CMC1: variants seen among roughly 807,000 people sequenced by gnomAD.
CMC1 encodes the protein COX assembly mitochondrial protein homolog.
A neutral mutation model predicts 14.1 loss-of-function variants in CMC1; 14 were observed. That is an observed-to-expected ratio of 0.99 (90% CI 0.66 to 1.55). The LOEUF (loss-of-function observed/expected upper bound fraction) is 1.55, where lower values mean the gene tolerates loss of function less well. Ranked by LOEUF, CMC1 falls within the 40% of genes most tolerant of loss-of-function variation. CMC1 has a pLI of 0.00. For synonymous variants in CMC1, 50 were observed against 38.4 expected (o/e 1.30, Z -1.12); for missense variants, 127 against 123.8 (o/e 1.03, Z -0.12).
At chr3:28,261,827 G>T (rs1449099363) in intron 1 of CMC1, among the ~76,000 whole-genome samples, 1 of 152,118 alleles carries the variant, frequency 6.6e-6, no homozygotes, top group African/African-American at 2.4e-5. Flanking sequence ...TGTATGAAAA[G>T]TTGGCCTGAA....
In CMC1 at chr3:28,241,665, G is replaced by C; in HGVS notation, c.-129G>C. ...CGGGTCCTGGCGGTGCTTTGCAAAG[G>C]GCCCGTGTTTCTGTTGCGGGAAGCT... On this transcript the variant is annotated 5_prime_UTR_variant, in exon 1 of 4. Transcript: ENST00000466830. The C allele has an allele frequency of 4.9e-6, 6 of 1,234,444 alleles. No individual in the cohort carries two copies. The highest frequency in any genetic ancestry group is 6.1e-6 in the Non-Finnish European group (6 of 987,864). The allele number at this position is 1,234,444 out of a possible 1,614,324, so 76.5% of individuals were successfully genotyped here. A position where few individuals can be genotyped will look rare whatever the true frequency, so the allele number is the denominator to read the frequency against.
intron 2 of CMC1, chr3:28,291,807 C>A (rs886175732): frequency 4.6e-5 from 7 of 152,088 alleles, no homozygotes; most frequent in African/African-American, 1.7e-4. Context: ...GAGCACATGG[C>A]CAATGCAGTG....
Position 28,319,723 on chromosome 3 carries a change from C to A in CMC1, c.*94C>A. 2 of 1,005,336 alleles carry A rather than the reference C, an allele frequency of 2.0e-6. No homozygotes were observed. The highest frequency in any genetic ancestry group is 4.6e-5 in the South Asian group (2 of 43,520). 62.3% of individuals were successfully genotyped at this position (1,005,336 alleles called of 1,614,324 possible). ...GACTCAAGCATATATGTTTGCTTTA[C>A]CTTAATTATGGAAATATTAACTTTA... On this transcript the variant is annotated 3_prime_UTR_variant, in exon 4 of 4. Coordinates refer to ENST00000466830, the MANE Select transcript of CMC1 (RefSeq NM_182523.2).
intron 2 of CMC1, among the ~76,000 whole-genome samples, chr3:28,308,897 C>T (rs1297142949): frequency 1.3e-5 from 2 of 151,898 alleles, no homozygotes; most frequent in Admixed American, 6.5e-5. Context: ...GCAGGAGAAT[C>T]GCTTGAACCT....
At chr3:28,310,475 A>G (rs1340842943) in intron 2 of CMC1, among the ~76,000 whole-genome samples, 3 of 152,250 alleles carry the variant, frequency 2.0e-5, no homozygotes, top group Non-Finnish European at 4.4e-5. Context: ...TCATTAATTA[A>G]CTCATTGGAC....
At chr3:28,280,528 C>T (rs565980982) in intron 2 of CMC1, among the ~76,000 whole-genome samples, 13 of 152,170 alleles carry the variant, frequency 8.5e-5, no homozygotes, top group African/African-American at 2.6e-4. Flanking sequence ...ATTTACACTG[C>T]TGGCCAGGAA....
chr3:28,319,458 T>G, intron 3 of CMC1, 51 bp from the exon 4 acceptor site: 2 of 1,489,242 alleles, frequency 1.3e-6, no homozygotes, highest in Non-Finnish European at 1.9e-6. Context: ...AGCTTACATT[T>G]AACACATGCA....
intron 2 of CMC1, among the ~76,000 whole-genome samples, chr3:28,274,635 T>A (rs1700482917): frequency 6.6e-6 from 1 of 152,110 alleles, no homozygotes; most frequent in African/African-American, 2.4e-5. Context: ...TTCTCTGAAT[T>A]TCCCTAATTT....
intron 2 of CMC1, among the ~76,000 whole-genome samples, chr3:28,314,432 A>G (rs150632648): frequency 1.4e-4 from 21 of 152,292 alleles, no homozygotes; most frequent in Non-Finnish European, 2.6e-4. Flanking sequence ...CATCTGCGTC[A>G]AGAGGAACAA....
chr3:28,285,473 A>G (rs999368445), intron 2 of CMC1, among the ~76,000 whole-genome samples: 26 of 152,252 alleles, frequency 1.7e-4, no homozygotes, highest in Admixed American at 1.6e-3. Flanking sequence ...GAAGCTAAGT[A>G]ATGTGTACAT....
intron 1 of CMC1, among the ~76,000 whole-genome samples, chr3:28,249,180 G>C (rs897070487): frequency 6.6e-6 from 1 of 152,208 alleles, no homozygotes; most frequent in African/African-American, 2.4e-5. Flanking sequence ...CTAAAGAACT[G>C]TTACTGGGAG....
chr3:28,282,012 G>A (rs1311620709), intron 2 of CMC1, among the ~76,000 whole-genome samples: 3 of 152,088 alleles, frequency 2.0e-5, no homozygotes, highest in Non-Finnish European at 4.4e-5. Flanking sequence ...TGAAACAGAA[G>A]TTTAGATTTG....
In CMC1 at chr3:28,274,034, CTT is replaced by C. The variant is rs899842539; in HGVS notation, c.109+10656_109+10657del. Among the ~76,000 whole-genome samples, 35 of 151,986 alleles carry C rather than the reference CTT, an allele frequency of 2.3e-4. 1 individual carries two copies. Among genetic ancestry groups the C allele is most frequent in the African/African-American group, 8.2e-4 (34 of 41,366 alleles). The stretch of plus-strand genomic sequence containing the variant: ...TACAGCACACTAATGGGTCTTGACT[CTT>C]TATCCAGCTTGCCATTCTGTGTCTT... On this transcript the variant is annotated intron_variant, in intron 2 of 3. Transcript: ENST00000466830.
intron 2 of CMC1, among the ~76,000 whole-genome samples, chr3:28,308,597 TA>T (rs1702455750): frequency 6.6e-6 from 1 of 152,204 alleles, no homozygotes; most frequent in Non-Finnish European, 1.5e-5. Context: ...TTTATTGTAT[TA>T]AAAATATGTC....
intron 2 of CMC1, among the ~76,000 whole-genome samples, chr3:28,286,178 G>A (rs1239542422): frequency 2.0e-5 from 3 of 152,144 alleles, no homozygotes; most frequent in African/African-American, 4.8e-5. Context: ...GGCCTTGCTA[G>A]CTAGTACATT....
intron 2 of CMC1, among the ~76,000 whole-genome samples, chr3:28,263,642 A>T (rs532440014): frequency 7.4e-4 from 112 of 152,274 alleles, no homozygotes; most frequent in African/African-American, 2.6e-3. Flanking sequence ...ATACATGGAA[A>T]AACTTGGTAT....
In CMC1 at chr3:28,324,659, A is replaced by G. The variant is rs1433171049; in HGVS notation, c.*5030A>G. ...GATCAGCAATTTACTGTGACTTTAG[A>G]TATTTGTCTCTTAGCTGCTCCTGAT... On this transcript the variant is annotated 3_prime_UTR_variant, in exon 4 of 4. Coordinates refer to ENST00000466830, the MANE Select transcript of CMC1 (RefSeq NM_182523.2). 1 of 417,952 alleles carries G rather than the reference A, an allele frequency of 2.4e-6. No individual in the cohort carries two copies. Among genetic ancestry groups the G allele is most frequent in the Non-Finnish European group, 4.1e-6 (1 of 241,000 alleles). The allele number at this position is 417,952 out of a possible 1,614,324, so 25.9% of individuals were successfully genotyped here.
intron 1 of CMC1, among the ~76,000 whole-genome samples, chr3:28,254,448 A>C (rs1272259608): frequency 6.6e-6 from 1 of 152,188 alleles, no homozygotes; most frequent in African/African-American, 2.4e-5. Flanking sequence ...GGAAAATTGA[A>C]ATCAATATTA....
At chr3:28,274,037 T>C (rs553620666) in intron 2 of CMC1, among the ~76,000 whole-genome samples, 1 of 152,116 alleles carries the variant, frequency 6.6e-6, no homozygotes, top group African/African-American at 2.4e-5. Context: ...CTTGACTCTT[T>C]ATCCAGCTTG....
Sources: gnomAD v4.1 joint callset for allele counts (sites outside exome capture counted in the v4.1 genomes callset) on GRCh38, gnomAD v4.1.1 for gene constraint, MANE v1.5 for transcripts, NCBI Gene and HGNC (gene_info 2026-07-23, HGNC 2026-07-21) for gene names.